Variants in SIPA1L2 observed in about 807,000 individuals in gnomAD.
The protein encoded by SIPA1L2 is signal induced proliferation associated 1 like 2.
A neutral mutation model predicts 163.9 loss-of-function variants in SIPA1L2; 56 were observed. The observed-to-expected ratio is 0.34, with a 90% confidence interval of 0.28 to 0.43. The LOEUF is 0.43. SIPA1L2 is among the 20% of genes least tolerant of loss of function. The pLI, the probability that SIPA1L2 is intolerant of heterozygous loss-of-function variation, is 1.00. For synonymous variants in SIPA1L2, 877 were observed against 865.7 expected (o/e 1.01, Z -0.23); for missense variants, 1,974 against 2,193.5 (o/e 0.90, Z 2.00).
chr1:232,630,387 A>C (rs1462831967), upstream of SIPA1L2, among the ~76,000 whole-genome samples: 2 of 151,972 alleles, frequency 1.3e-5, no homozygotes, highest in African/African-American at 4.8e-5. Context: ...TGCGGGGCGC[A>C]TCATGAGCGG....
chr1:232,414,627 C>T (rs1467098478), intron 19 of SIPA1L2, among the ~76,000 whole-genome samples: 1 of 152,154 alleles, frequency 6.6e-6, no homozygotes, highest in African/African-American at 2.4e-5. Flanking sequence ...GAGAGTCTCA[C>T]AGAGCGCAGG....
intron 7 of SIPA1L2, among the ~76,000 whole-genome samples, chr1:232,478,756 T>G (rs1665169297): frequency 6.6e-6 from 1 of 152,182 alleles, no homozygotes; most frequent in Non-Finnish European, 1.5e-5. Flanking sequence ...AGTTATAAGA[T>G]CCTAGTAATT....
intron 1 of SIPA1L2, among the ~76,000 whole-genome samples, chr1:232,583,442 T>C (rs1361339581): frequency 2.6e-5 from 4 of 152,182 alleles, no homozygotes; most frequent in Non-Finnish European, 5.9e-5. Flanking sequence ...CTTATATTAG[T>C]TATCTTAAGA....
At chr1:232,406,070 A>G (rs1474374706) in intron 19 of SIPA1L2, among the ~76,000 whole-genome samples, 1 of 152,250 alleles carries the variant, frequency 6.6e-6, no homozygotes, top group East Asian at 1.9e-4. Flanking sequence ...AAATGCAAAG[A>G]GGATGCTATT....
In SIPA1L2 at chr1:232,515,382, T is replaced by C. The variant is rs1421468057; in HGVS notation, c.-43A>G. On this transcript the variant is annotated 5_prime_UTR_variant, in exon 3 of 23. Transcript: ENST00000674635. ...CTCCAAGTCTCACCAGGAAGACTGA[T>C]GTAAATCTAATTACATTGCTACCGA... is the stretch of plus-strand genomic sequence containing the variant. 1.1e-5 allele frequency: 16 copies of C among 1,521,508 alleles called. No individual in the cohort carries two copies. In the African/African-American group the frequency reaches 1.9e-4, roughly 18 times the overall value. The allele number at this position is 1,521,508 out of a possible 1,614,324, so 94.3% of individuals were successfully genotyped here. A position where few individuals can be genotyped will look rare whatever the true frequency, so the allele number is the denominator to read the frequency against.
intron 10 of SIPA1L2, 113 bp downstream of exon 10, chr1:232,460,774 T>C (rs1664190643): frequency 7.6e-7 from 1 of 1,310,774 alleles, no homozygotes; most frequent in Non-Finnish European, 1.0e-6. Flanking sequence ...CAGAACACTG[T>C]ACAAAGACAC....
At chr1:232,489,038 G>A (rs1665790206) in intron 5 of SIPA1L2, among the ~76,000 whole-genome samples, 1 of 152,230 alleles carries the variant, frequency 6.6e-6, no homozygotes, top group Non-Finnish European at 1.5e-5. Context: ...AATGGTGGCA[G>A]TGGCAGAGCC....
At chr1:232,568,774 CAT>C (rs1025216861) in intron 2 of SIPA1L2, among the ~76,000 whole-genome samples, 28 of 152,312 alleles carry the variant, frequency 1.8e-4, no homozygotes, top group African/African-American at 6.7e-4. Context: ...CCAAAATGCA[CAT>C]GTCTACATGT....
At chr1:232,626,654 T>C (rs1456443678) in intron 1 of SIPA1L2, among the ~76,000 whole-genome samples, 1 of 152,240 alleles carries the variant, frequency 6.6e-6, no homozygotes, top group African/African-American at 2.4e-5. Context: ...AAGCAATTTC[T>C]GAATCATTGA....
intron 1 of SIPA1L2, among the ~76,000 whole-genome samples, chr1:232,590,323 A>G (rs16857720): frequency 0.29 from 44,041 of 152,220 alleles, 6,901 homozygotes; most frequent in Non-Finnish European, 0.35. Context: ...TGTGTCACCA[A>G]TTGCGCAGTG....
chr1:232,522,788 T>C (rs1447646071), intron 2 of SIPA1L2, among the ~76,000 whole-genome samples: 2 of 152,176 alleles, frequency 1.3e-5, no homozygotes, highest in Non-Finnish European at 2.9e-5. Flanking sequence ...GAAAATGTAA[T>C]ATATGAGTGT....
rs764945944 is a variant in SIPA1L2 at position 232,514,434 on chromosome 1, G to A, written c.906C>T (p.His302=). 6.8e-6 allele frequency: 11 copies of A among 1,614,080 alleles called. No individual in the cohort carries two copies. Among genetic ancestry groups the A allele is most frequent in the Admixed American group, 3.3e-5 (2 of 60,010 alleles). ...FRKLRTVKSE[H]ETFKFTSELE... ...GCTCAGACGTGAACTTGAAAGTTTC[G>A]TGCTCACTTTTAACAGTTCGAAGCT... Residue 302 remains histidine (H), a synonymous_variant, in exon 3 of 23, where the codon CAC becomes CAT. Transcript: ENST00000674635.
intron 18 of SIPA1L2, among the ~76,000 whole-genome samples, chr1:232,419,585 G>A (rs894987161): frequency 6.6e-6 from 1 of 152,068 alleles, no homozygotes; most frequent in Non-Finnish European, 1.5e-5. Context: ...GTGGCATCTC[G>A]CCATGGACTC....
intron 19 of SIPA1L2, among the ~76,000 whole-genome samples, chr1:232,412,704 A>G (rs1185352863): frequency 6.6e-6 from 1 of 152,210 alleles, no homozygotes; most frequent in Non-Finnish European, 1.5e-5. Flanking sequence ...CAAAGGAGGT[A>G]CACATACTCA....
chr1:232,624,617 T>G (rs919626435), intron 1 of SIPA1L2, among the ~76,000 whole-genome samples: 1 of 152,220 alleles, frequency 6.6e-6, no homozygotes, highest in Non-Finnish European at 1.5e-5. Context: ...ACTTAAGAGT[T>G]TGAATAAACT....
intron 2 of SIPA1L2, among the ~76,000 whole-genome samples, chr1:232,570,752 AACTT>A (rs1209082373): frequency 1.3e-5 from 2 of 152,174 alleles, no homozygotes; most frequent in African/African-American, 2.4e-5. Context: ...ATATAAATAA[AACTT>A]AATTTTAAAA....
chr1:232,516,027 T>G (rs1667204943), intron 2 of SIPA1L2, among the ~76,000 whole-genome samples: 1 of 152,238 alleles, frequency 6.6e-6, no homozygotes, highest in African/African-American at 2.4e-5. Context: ...TAGCCTGGCT[T>G]AAACTAGGGA....
At chr1:232,511,232 G>T (rs1324206506) in intron 3 of SIPA1L2, among the ~76,000 whole-genome samples, 2 of 152,170 alleles carry the variant, frequency 1.3e-5, no homozygotes, top group Non-Finnish European at 2.9e-5. Flanking sequence ...CTGGAAGGAA[G>T]TAACTATGGT....
chr1:232,490,537 G>T (rs765594671), intron 5 of SIPA1L2: 122 of 222,244 alleles, frequency 5.5e-4, no homozygotes, highest in Non-Finnish European at 9.4e-4. Context: ...AATAAATGTT[G>T]GTTCAGGAAA....
Sources: allele counts gnomAD v4.1 joint callset (sites outside exome capture counted in the v4.1 genomes callset), GRCh38; gene constraint gnomAD v4.1.1; transcripts MANE v1.5; gene names NCBI Gene and HGNC (gene_info 2026-07-23, HGNC 2026-07-21).